Variants in ARHGAP10 observed in about 807,000 individuals in gnomAD.
ARHGAP10 encodes rho GTPase-activating protein 10.
Under a neutral mutation model 108.6 loss-of-function variants are expected in ARHGAP10, and 87 were observed. The ratio of observed to expected loss-of-function variants is 0.80; its 90% confidence interval spans 0.67 to 0.96. The LOEUF is 0.96. Among genes scored for constraint, ARHGAP10 ranks in the 40% least tolerant of loss-of-function variants. The pLI is 0.00. For missense variants in ARHGAP10, 939 were observed against 954.5 expected (o/e 0.98, Z 0.21); for synonymous variants, 347 against 341.1 (o/e 1.02, Z -0.19).
intron 4 of ARHGAP10, chr4:147,854,756 T>C (rs1734021708): frequency 2.0e-6 from 2 of 984,834 alleles, no homozygotes; most frequent in Non-Finnish European, 2.4e-6. Context: ...AATAATTACC[T>C]GCGTTTTAAG....
intron 1 of ARHGAP10, among the ~76,000 whole-genome samples, chr4:147,783,129 A>C (rs1200654370): frequency 1.4e-5 from 2 of 142,922 alleles, no homozygotes; most frequent in African/African-American, 5.0e-5. Flanking sequence ...ATATTATATA[A>C]TTTATATAAC....
At chr4:147,869,996 G>GTT (rs10644018) in intron 7 of ARHGAP10, among the ~76,000 whole-genome samples, 72,471 of 131,184 alleles carry the variant, frequency 0.55, 21,890 homozygotes, top group Non-Finnish European at 0.68. Context: ...AAAAGTCCCA[G>GTT]TTTGTGTGTG....
intron 1 of ARHGAP10, among the ~76,000 whole-genome samples, chr4:147,818,170 T>C (rs1375950958): frequency 2.6e-5 from 4 of 151,800 alleles, no homozygotes; most frequent in Non-Finnish European, 5.9e-5. Context: ...TTTTCTTTTT[T>C]TTTTTTTTAA....
chr4:147,809,195 C>T (rs1430556341), intron 1 of ARHGAP10: 1 of 152,332 alleles, frequency 6.6e-6, no homozygotes, highest in Non-Finnish European at 1.5e-5. Context: ...GGCAACATAG[C>T]AAGACCTCGT....
At chr4:147,927,288 G>T (rs1014155135) in intron 13 of ARHGAP10, among the ~76,000 whole-genome samples, 1 of 152,172 alleles carries the variant, frequency 6.6e-6, no homozygotes. Context: ...TCAGGATTAA[G>T]CCATTCTAAA....
intron 1 of ARHGAP10, among the ~76,000 whole-genome samples, chr4:147,772,808 A>G (rs1338930751): frequency 1.3e-5 from 2 of 152,132 alleles, no homozygotes; most frequent in African/African-American, 4.8e-5. Flanking sequence ...TGGGGTTACT[A>G]AATGTAGTTT....
intron 13 of ARHGAP10, among the ~76,000 whole-genome samples, chr4:147,922,687 C>CAAAAA (rs34169210): frequency 1.9e-4 from 19 of 99,220 alleles, no homozygotes; most frequent in African/African-American, 3.5e-4. Context: ...GACTCCGTCT[C>CAAAAA]AAAAAAAAAA....
intron 19 of ARHGAP10, among the ~76,000 whole-genome samples, chr4:148,044,334 T>A (rs1728782313): frequency 6.6e-6 from 1 of 152,136 alleles, no homozygotes; most frequent in African/African-American, 2.4e-5. Flanking sequence ...GACAGGTTTC[T>A]CTCGGTAGGA....
intron 16 of ARHGAP10, among the ~76,000 whole-genome samples, chr4:147,956,656 G>T (rs1345476749): frequency 2.0e-5 from 3 of 151,956 alleles, no homozygotes; most frequent in African/African-American, 7.2e-5. Flanking sequence ...TTGCCTTAGA[G>T]ACTGGAAAAA....
At position 147,966,660 on chromosome 4, in the gene ARHGAP10, T is replaced by TC. The variant is rs1578741080; in HGVS notation, c.1557-14dup. 3.9e-6 allele frequency: 6 copies of TC among 1,536,600 alleles called. No individual in the cohort carries two copies. The highest frequency in any genetic ancestry group is 2.3e-5 in the East Asian group (1 of 43,650). On this transcript the variant is annotated intron_variant, in intron 17 of 22. Coordinates refer to ENST00000336498, the MANE Select transcript of ARHGAP10 (RefSeq NM_024605.4). ...TTGCTCCTTTGGTTAAACAGATTCCTCCCCCCTTACCAATTTCAGTGTTTC... is the reference window on the plus strand; with the variant it reads ...TTGCTCCTTTGGTTAAACAGATTCCTCCCCCCCTTACCAATTTCAGTGTTTC...
chr4:147,742,147 A>G (rs1241282288), intron 1 of ARHGAP10, among the ~76,000 whole-genome samples: 1 of 151,702 alleles, frequency 6.6e-6, no homozygotes, highest in Non-Finnish European at 1.5e-5. Flanking sequence ...AGGATGTGGA[A>G]TGGTCTCTTA....
At chr4:147,912,294 C>T (rs1043798922) in intron 12 of ARHGAP10, among the ~76,000 whole-genome samples, 2 of 151,714 alleles carry the variant, frequency 1.3e-5, no homozygotes, top group Non-Finnish European at 2.9e-5. Flanking sequence ...AATCCCAGCA[C>T]TTTGGGATGC....
intron 18 of ARHGAP10, among the ~76,000 whole-genome samples, chr4:148,011,197 G>A (rs1317100691): frequency 6.6e-6 from 1 of 152,148 alleles, no homozygotes; most frequent in Non-Finnish European, 1.5e-5. Flanking sequence ...TGTTACTCTG[G>A]TTATTTATCA....
At chr4:147,742,720 A>G (rs969840100) in intron 1 of ARHGAP10, among the ~76,000 whole-genome samples, 11 of 151,648 alleles carry the variant, frequency 7.3e-5, no homozygotes, top group African/African-American at 2.7e-4. Context: ...TCCTGACCTC[A>G]GTGATCCGCC....
chr4:147,756,130 CA>C (rs11355244), intron 1 of ARHGAP10, among the ~76,000 whole-genome samples: 30,063 of 96,102 alleles, frequency 0.31, 3,608 homozygotes, highest in Admixed American at 0.42. Flanking sequence ...TACTAGGAGG[CA>C]AAAAAAAAAA....
chr4:147,761,601 G>T (rs1299740647), intron 1 of ARHGAP10, among the ~76,000 whole-genome samples: 1 of 152,130 alleles, frequency 6.6e-6, no homozygotes, highest in African/African-American at 2.4e-5. Flanking sequence ...AGGAAAGGAA[G>T]GAATGTTTTT....
intron 1 of ARHGAP10, among the ~76,000 whole-genome samples, chr4:147,773,552 G>T (rs1055213750): frequency 6.6e-6 from 1 of 152,166 alleles, no homozygotes; most frequent in African/African-American, 2.4e-5. Flanking sequence ...ATTGTATTCT[G>T]AGTTATAACA....
At chr4:147,947,666 G>A (rs1022399007) in intron 15 of ARHGAP10, among the ~76,000 whole-genome samples, 1 of 151,898 alleles carries the variant, frequency 6.6e-6, no homozygotes, top group Non-Finnish European at 1.5e-5. Context: ...GCCTCCCAAA[G>A]TCCTGGGATT....
intron 1 of ARHGAP10, among the ~76,000 whole-genome samples, chr4:147,760,168 A>G (rs1418879839): frequency 6.6e-6 from 1 of 151,854 alleles, no homozygotes; most frequent in Non-Finnish European, 1.5e-5. Flanking sequence ...TCAGGCTGTC[A>G]CTCTTCCATT....
Sources: gnomAD v4.1 joint callset for allele counts (sites outside exome capture counted in the v4.1 genomes callset) on GRCh38, gnomAD v4.1.1 for gene constraint, MANE v1.5 for transcripts, NCBI Gene and HGNC (gene_info 2026-07-23, HGNC 2026-07-21) for gene names.